The following AUH variants were observed in gnomAD, a reference collection of about 807,000 sequenced individuals.
The protein encoded by AUH is methylglutaconyl-CoA hydratase, mitochondrial.
Under a neutral mutation model 42.3 loss-of-function variants are expected in AUH, and 29 were observed. That is an observed-to-expected ratio of 0.69 (90% CI 0.51 to 0.93). The LOEUF (loss-of-function observed/expected upper bound fraction) is 0.93, where lower values mean the gene tolerates loss of function less well. Among genes scored for constraint, AUH ranks in the 40% least tolerant of loss-of-function variants. AUH has a pLI of 0.00. For missense variants in AUH, 452 were observed against 438.1 expected (o/e 1.03, Z -0.28); for synonymous variants, 174 against 166.4 (o/e 1.05, Z -0.35).
chr9:91,218,184 A>G (rs1826936505), intron 7 of AUH, among the ~76,000 whole-genome samples: 1 of 152,232 alleles, frequency 6.6e-6, no homozygotes, highest in African/African-American at 2.4e-5. Context: ...ATGAAAAGAC[A>G]TGTTTTCCTA....
At chr9:91,302,090 A>T (rs1827827845) in intron 4 of AUH, among the ~76,000 whole-genome samples, 1 of 152,150 alleles carries the variant, frequency 6.6e-6, no homozygotes, top group African/African-American at 2.4e-5. Context: ...CCAGGAAAGT[A>T]TGCATCATCT....
chr9:91,225,524 C>G (rs1000259258), intron 6 of AUH, among the ~76,000 whole-genome samples: 4 of 152,020 alleles, frequency 2.6e-5, no homozygotes, highest in Non-Finnish European at 5.9e-5. Context: ...TTCAGGATTC[C>G]TAAAGTGCCA....
intron 6 of AUH, among the ~76,000 whole-genome samples, chr9:91,245,004 C>T (rs750290716): frequency 2.6e-5 from 4 of 152,164 alleles, no homozygotes; most frequent in Non-Finnish European, 4.4e-5. Flanking sequence ...CTCTATTTAG[C>T]TAGCTCACAA....
intron 1 of AUH, among the ~76,000 whole-genome samples, chr9:91,359,256 G>A (rs1832670403): frequency 6.6e-6 from 1 of 152,168 alleles, no homozygotes; most frequent in Admixed American, 6.5e-5. Context: ...CAAAGTGAAA[G>A]TCCTCCTTCC....
intron 8 of AUH, among the ~76,000 whole-genome samples, chr9:91,216,438 C>T (rs996650331): frequency 2.3e-5 from 3 of 130,670 alleles, no homozygotes; most frequent in African/African-American, 5.8e-5. Context: ...CTTTATGTCG[C>T]GACACACACA....
Position 91,286,346 on chromosome 9 carries a change from A to G in AUH, c.655+9675T>C, listed in dbSNP as rs551306304. Among the ~76,000 whole-genome samples, 65 of 152,268 alleles carry G rather than the reference A, an allele frequency of 4.3e-4. 1 individual carries two copies. The highest frequency in any genetic ancestry group is 1.5e-3 in the African/African-American group (62 of 41,570). ...CAGATCCCTCACCCAGGGAGGGGAA[A>G]AAAAGACAAAACTGGAGTTGGTCTC... On this transcript the variant is annotated intron_variant, in intron 6 of 9. Transcript: ENST00000375731.
chr9:91,354,887 TC>T (rs137963221), intron 3 of AUH, among the ~76,000 whole-genome samples: 32,012 of 151,844 alleles, frequency 0.21, 3,561 homozygotes, highest in East Asian at 0.35. Flanking sequence ...GACATAAGAA[TC>T]CTAATTCTCT....
rs182685550 is a variant in AUH at position 91,315,578 on chromosome 9, C to T, written c.505+9740G>A. On this transcript the variant is annotated intron_variant, in intron 4 of 9. Coordinates refer to ENST00000375731, the MANE Select transcript of AUH (RefSeq NM_001698.3). ...AAGCTCTCCTTTCTAAAGTTATGAACCTTGTCATTCTTCAGTTGACAGTAA... is the reference window on the plus strand; with the variant it reads ...AAGCTCTCCTTTCTAAAGTTATGAATCTTGTCATTCTTCAGTTGACAGTAA... 6.1e-4 allele frequency among the ~76,000 whole-genome samples: 93 copies of T among 152,142 alleles called. 1 individual carries two copies. The highest frequency in any genetic ancestry group is 2.1e-3 in the African/African-American group (86 of 41,482).
At chr9:91,278,305 C>A (rs1317431504) in intron 6 of AUH, among the ~76,000 whole-genome samples, 1 of 152,038 alleles carries the variant, frequency 6.6e-6, no homozygotes, top group Non-Finnish European at 1.5e-5. Context: ...TAATCTTACG[C>A]GTAGCAAAAA....
chr9:91,219,280 A>G (rs1347643099), intron 7 of AUH, among the ~76,000 whole-genome samples: 1 of 152,224 alleles, frequency 6.6e-6, no homozygotes, highest in Non-Finnish European at 1.5e-5. Flanking sequence ...CCATGTCAGG[A>G]GGCCAGGAGC....
intron 6 of AUH, among the ~76,000 whole-genome samples, chr9:91,241,254 C>T: frequency 6.6e-6 from 1 of 152,134 alleles, no homozygotes; most frequent in East Asian, 1.9e-4. Flanking sequence ...ATACATGTAT[C>T]AGATCAATTA....
intron 6 of AUH, among the ~76,000 whole-genome samples, chr9:91,253,894 C>A (rs993231873): frequency 6.6e-6 from 1 of 152,098 alleles, no homozygotes; most frequent in African/African-American, 2.4e-5. Context: ...TGAAATAAAG[C>A]ACAATTTAAG....
chr9:91,249,478 C>CTT (rs75046716), intron 6 of AUH, among the ~76,000 whole-genome samples: 12,768 of 151,900 alleles, frequency 0.084, 615 homozygotes, highest in East Asian at 0.18. Flanking sequence ...TGTGGCTATT[C>CTT]TTTGAGCTAA....
At position 91,254,625 on chromosome 9, in the gene AUH, A is replaced by G. The variant is rs10991843; in HGVS notation, c.656-33633T>C. Among the ~76,000 whole-genome samples, 906 of 152,362 alleles carry G rather than the reference A, an allele frequency of 5.9e-3. 8 individuals carry two copies. The highest frequency in any genetic ancestry group is 0.021 in the African/African-American group (863 of 41,592). Reference sequence around the variant, plus strand: ...GTAGAAACAAAAACGAATTCTAAACATAAGAGATGGGTAATCTAAAATAGC... The same window carrying G: ...GTAGAAACAAAAACGAATTCTAAACGTAAGAGATGGGTAATCTAAAATAGC... On this transcript the variant is annotated intron_variant, in intron 6 of 9. Transcript: ENST00000375731.
intron 4 of AUH, among the ~76,000 whole-genome samples, chr9:91,298,531 CAAGA>C (rs967053123): frequency 4.6e-5 from 7 of 152,178 alleles, no homozygotes; most frequent in Admixed American, 2.0e-4. Context: ...TCTGCTCAAA[CAAGA>C]AAGAAACTGT....
chr9:91,308,891 A>G lies in AUH; in HGVS notation c.506-10815T>C, dbSNP rs1828448046. On this transcript the variant is annotated intron_variant, in intron 4 of 9. Coordinates refer to ENST00000375731, the MANE Select transcript of AUH (RefSeq NM_001698.3). ...CTGCAACCTCCGCCTCCCAGGTTCA[A>G]GCGATTCTCCTGCCTCAGCCTTCCA... is the stretch of plus-strand genomic sequence containing the variant. Among the ~76,000 whole-genome samples, 5 of 151,592 alleles carry G rather than the reference A, an allele frequency of 3.3e-5. No homozygotes were observed. In the South Asian group the frequency reaches 1.0e-3, roughly 32 times the overall value.
At chr9:91,320,088 G>A (rs747891818) in intron 4 of AUH, among the ~76,000 whole-genome samples, 2 of 152,146 alleles carry the variant, frequency 1.3e-5, no homozygotes, top group African/African-American at 2.4e-5. Context: ...ATACATCACA[G>A]CTAACAGTAC....
intron 6 of AUH, among the ~76,000 whole-genome samples, chr9:91,259,816 T>C (rs1829614376): frequency 6.6e-6 from 1 of 152,140 alleles, no homozygotes; most frequent in Non-Finnish European, 1.5e-5. Flanking sequence ...GTTTTTTAAA[T>C]TTGAGGTTTC....
At chr9:91,268,515 C>T (rs1824841925) in intron 6 of AUH, among the ~76,000 whole-genome samples, 1 of 152,060 alleles carries the variant, frequency 6.6e-6, no homozygotes, top group Non-Finnish European at 1.5e-5. Context: ...ACTGCAACCT[C>T]GGCCTTCCAG....
Sources: gnomAD v4.1 joint callset for allele counts (sites outside exome capture counted in the v4.1 genomes callset) on GRCh38, gnomAD v4.1.1 for gene constraint, MANE v1.5 for transcripts, NCBI Gene and HGNC (gene_info 2026-07-23, HGNC 2026-07-21) for gene names.